The following TRPS1 variants were observed in gnomAD, a reference collection of about 807,000 sequenced individuals.
TRPS1 encodes zinc finger transcription factor Trps1.
TRPS1 carries 6 observed loss-of-function variants against 101.2 expected under a neutral mutation model. The observed-to-expected ratio is 0.06, with a 90% CI of 0.03 to 0.12. The LOEUF is 0.12. Among genes scored for constraint, TRPS1 ranks in the 10% least tolerant of loss-of-function variants. TRPS1 has a pLI of 1.00. For synonymous variants in TRPS1, 578 were observed against 589.8 expected, an observed-to-expected ratio of 0.98 and a Z score of 0.29; for missense variants, 1,363 against 1,567.0, an observed-to-expected ratio of 0.87 and a Z score of 2.20.
intron 5 of TRPS1, among the ~76,000 whole-genome samples, chr8:115,577,918 G>T (rs1430857612): frequency 6.6e-6 from 1 of 152,134 alleles, no homozygotes; most frequent in East Asian, 1.9e-4. Context: ...AAAGCGTGAA[G>T]GGTAGCAGGA....
At chr8:115,606,774 A>T (rs940671320) in intron 3 of TRPS1, among the ~76,000 whole-genome samples, 1 of 148,600 alleles carries the variant, frequency 6.7e-6, no homozygotes, top group African/African-American at 2.5e-5. Context: ...TATATTTCCC[A>T]ATTCACTGGA....
At chr8:115,462,623 TTCTCTC>T (rs375709611) in intron 5 of TRPS1, among the ~76,000 whole-genome samples, 42,469 of 132,584 alleles carry the variant, frequency 0.32, 7,932 homozygotes, top group Non-Finnish European at 0.43. Flanking sequence ...TGTTTTTCTT[TTCTCTC>T]TCTCTCTCTC....
chr8:115,604,919 G>C lies in TRPS1; in HGVS notation c.1050C>G (p.Phe350Leu). The C allele has an allele frequency of 1.9e-6, 3 of 1,614,016 alleles. No homozygotes were observed. The highest frequency in any genetic ancestry group is 2.5e-6 in the Non-Finnish European group (3 of 1,179,946). Residue 350 changes from phenylalanine (F) to leucine (L), a missense_variant, in exon 4 of 7, where the codon TTC (phenylalanine) becomes TTG (leucine). Coordinates refer to ENST00000395715, the MANE Select transcript of TRPS1 (RefSeq NM_014112.5). This position sits in a 1 kb window ranked among gnomAD's most constrained non-coding sequence, Gnocchi z 4.1. ...AGTTGCCCATATAAGTGAAATTGCA[G>C]AATTTACAGCGGAAATACTTGGTGT... ...QGNTKYFRCKFCNFTYMGNSS... is the reference protein window; with the variant it reads ...QGNTKYFRCKLCNFTYMGNSS...
intron 1 of TRPS1, among the ~76,000 whole-genome samples, chr8:115,627,515 C>T (rs895806421): frequency 4.6e-5 from 7 of 151,606 alleles, no homozygotes; most frequent in African/African-American, 1.7e-4. Context: ...AGTAGCTCAT[C>T]GAAGAGTATA....
chr8:115,449,955 T>TC (rs1488796665), intron 5 of TRPS1, among the ~76,000 whole-genome samples: 397 of 37,646 alleles, frequency 0.011, 2 homozygotes, highest in African/African-American at 0.043. Context: ...ATATGTGATT[T>TC]AACACACACA....
intron 4 of TRPS1, among the ~76,000 whole-genome samples, chr8:115,590,935 A>G (rs934509151): frequency 6.6e-6 from 1 of 151,816 alleles, no homozygotes; most frequent in Non-Finnish European, 1.5e-5. Context: ...ATTCATTGCC[A>G]TTCCCCCATG....
intron 5 of TRPS1, among the ~76,000 whole-genome samples, chr8:115,522,945 C>T (rs1815902110): frequency 6.6e-6 from 1 of 152,060 alleles, no homozygotes; most frequent in South Asian, 2.1e-4. Flanking sequence ...TCATAGCAAT[C>T]ATGTTACTTC....
intron 1 of TRPS1, chr8:115,668,212 A>C (rs1038983187): frequency 6.9e-6 from 3 of 434,028 alleles, no homozygotes; most frequent in Non-Finnish European, 1.2e-5. Context: ...CAAAAGGAGG[A>C]GAGGAAGGGG....
chr8:115,433,740 A>G (rs1813378762), intron 5 of TRPS1, among the ~76,000 whole-genome samples: 1 of 152,174 alleles, frequency 6.6e-6, no homozygotes, highest in Non-Finnish European at 1.5e-5. Flanking sequence ...AATTTCAATT[A>G]CACTCTTAAT....
At chr8:115,610,498 C>T (rs527993476) in intron 3 of TRPS1, among the ~76,000 whole-genome samples, 106 of 152,174 alleles carry the variant, frequency 7.0e-4, no homozygotes, top group Non-Finnish European at 1.4e-3. Flanking sequence ...TCATCTGACT[C>T]TCATGCCATC....
intron 3 of TRPS1, among the ~76,000 whole-genome samples, chr8:115,615,971 G>C (rs1381469083): frequency 6.6e-6 from 1 of 151,874 alleles, no homozygotes; most frequent in African/African-American, 2.4e-5. Context: ...ATGAAAAATT[G>C]GAAAACTAAC....
intron 1 of TRPS1, among the ~76,000 whole-genome samples, chr8:115,666,095 T>G (rs1350983609): frequency 6.6e-6 from 1 of 152,134 alleles, no homozygotes. Context: ...TTCACATTAT[T>G]AACATCCAGA....
chr8:115,657,358 T>C (rs1054579263), intron 1 of TRPS1, among the ~76,000 whole-genome samples: 1 of 152,134 alleles, frequency 6.6e-6, no homozygotes, highest in African/African-American at 2.4e-5. Flanking sequence ...ATGGCTACTA[T>C]TCTAGTTTGC....
intron 6 of TRPS1, 85 bp from the exon 7 acceptor site, chr8:115,415,169 A>G: frequency 1.5e-6 from 2 of 1,375,778 alleles, no homozygotes; most frequent in Non-Finnish European, 2.0e-6. Context: ...AATATAAACC[A>G]TGCTTAAGTT....
At chr8:115,597,977 T>A (rs1276440724) in intron 4 of TRPS1, among the ~76,000 whole-genome samples, 1 of 152,202 alleles carries the variant, frequency 6.6e-6, no homozygotes, top group Non-Finnish European at 1.5e-5. Flanking sequence ...TACAGTTACA[T>A]CATCTGATAT....
intron 3 of TRPS1, among the ~76,000 whole-genome samples, chr8:115,613,632 C>T (rs1220299238): frequency 6.6e-6 from 1 of 152,154 alleles, no homozygotes; most frequent in African/African-American, 2.4e-5. Context: ...GGGCAGGATA[C>T]TTTAATATAT....
At chr8:115,466,252 A>C (rs774711744) in intron 5 of TRPS1, among the ~76,000 whole-genome samples, 18 of 152,160 alleles carry the variant, frequency 1.2e-4, no homozygotes, top group Non-Finnish European at 2.4e-4. Context: ...CAAACAAAAA[A>C]CTGGATGATA....
intron 1 of TRPS1, among the ~76,000 whole-genome samples, chr8:115,636,677 C>T (rs1159226754): frequency 6.6e-6 from 1 of 152,066 alleles, no homozygotes. Context: ...ACTTTGGGAG[C>T]CTGAGGCAGG....
chr8:115,497,702 A>G (rs890393817), intron 5 of TRPS1, among the ~76,000 whole-genome samples: 2 of 152,212 alleles, frequency 1.3e-5, no homozygotes, highest in Non-Finnish European at 2.9e-5. Context: ...TCAGTTTCAA[A>G]GGGCAGACCC....
Sources: gnomAD v4.1 joint callset for allele counts (sites outside exome capture counted in the v4.1 genomes callset) on GRCh38, gnomAD v4.1.1 for gene constraint, Gnocchi (gnomAD v3.1) non-coding constraint, MANE v1.5 for transcripts, NCBI Gene and HGNC (gene_info 2026-07-23, HGNC 2026-07-21) for gene names.